NCOA2: variants seen among roughly 807,000 people sequenced by gnomAD.
NCOA2 encodes nuclear receptor coactivator 2.
Under a neutral mutation model 145.1 loss-of-function variants are expected in NCOA2, and 21 were observed. The ratio of observed to expected loss-of-function variants is 0.14; its 90% confidence interval spans 0.10 to 0.21. NCOA2 has a LOEUF of 0.21. Ranked by LOEUF, NCOA2 falls within the 10% of genes least tolerant of loss-of-function variation. The pLI is 1.00. For synonymous variants in NCOA2, 619 were observed against 637.5 expected (o/e 0.97, Z 0.44); for missense variants, 1,472 against 1,837.6 (o/e 0.80, Z 3.64).
chr8:70,227,592 C>T (rs1365281940), intron 2 of NCOA2, among the ~76,000 whole-genome samples: 3 of 152,180 alleles, frequency 2.0e-5, no homozygotes, highest in African/African-American at 7.2e-5. Context: ...TACTCTTCGT[C>T]AGATCATTAC....
At chr8:70,169,961 C>T (rs1043135249) in intron 6 of NCOA2, among the ~76,000 whole-genome samples, 1 of 151,860 alleles carries the variant, frequency 6.6e-6, no homozygotes, top group African/African-American at 2.4e-5. Flanking sequence ...ATGATTTTCA[C>T]GTACTTTAAA....
intron 1 of NCOA2, among the ~76,000 whole-genome samples, chr8:70,368,376 T>C (rs1197756939): frequency 1.3e-5 from 2 of 152,000 alleles, no homozygotes; most frequent in Non-Finnish European, 2.9e-5. Flanking sequence ...CATGGAAAAG[T>C]TGAGGGAGGA....
intron 2 of NCOA2, among the ~76,000 whole-genome samples, chr8:70,224,337 T>A (rs1170483228): frequency 6.6e-6 from 1 of 152,248 alleles, no homozygotes; most frequent in African/African-American, 2.4e-5. Context: ...TGGTAATTGG[T>A]TAATTTAAAA....
the NCOA2 span, among the ~76,000 whole-genome samples, chr8:70,409,201 G>A: frequency 2.0e-5 from 3 of 152,074 alleles, no homozygotes; most frequent in Non-Finnish European, 2.9e-5. Flanking sequence ...TAAAAATTGA[G>A]GTCTAATTCT....
intron 22 of NCOA2, among the ~76,000 whole-genome samples, chr8:70,115,030 T>TAACTTGTGTCACTTTTATGATTTA (rs1442005897): frequency 6.6e-6 from 1 of 152,260 alleles, no homozygotes; most frequent in African/African-American, 2.4e-5. Context: ...TATGTATTCC[T>TAACTTGTGTCACTTTTATGATTTA]AACTTGTGTC....
chr8:70,118,972 G>A (rs1807463078), intron 22 of NCOA2, among the ~76,000 whole-genome samples: 1 of 152,110 alleles, frequency 6.6e-6, no homozygotes, highest in South Asian at 2.1e-4. Context: ...ACAGGCTTGA[G>A]CCACTGCACC....
intron 20 of NCOA2, among the ~76,000 whole-genome samples, chr8:70,124,358 CTGTT>C (rs1187961639): frequency 1.3e-5 from 2 of 150,754 alleles, no homozygotes; most frequent in African/African-American, 4.9e-5. Context: ...TTCTTTCTTT[CTGTT>C]TTTTTTTTTT....
At chr8:70,346,028 A>T (rs1168883902) in intron 1 of NCOA2, among the ~76,000 whole-genome samples, 3 of 152,218 alleles carry the variant, frequency 2.0e-5, no homozygotes, top group Non-Finnish European at 4.4e-5. Context: ...GTGGAATTAA[A>T]ATCTATAGTA....
chr8:70,214,137 A>T, intron 3 of NCOA2, 62 bp from the exon 4 acceptor site: 2 of 1,471,320 alleles, frequency 1.4e-6, no homozygotes, highest in Non-Finnish European at 1.8e-6. Flanking sequence ...AAAAAAATGA[A>T]CGTGTTAAAC....
chr8:70,436,754 C>G, the NCOA2 span, among the ~76,000 whole-genome samples: 6 of 152,230 alleles, frequency 3.9e-5, no homozygotes, highest in South Asian at 4.2e-4. Context: ...GTGTGGAATA[C>G]AAAGGTGAAT....
At chr8:70,404,544 A>T (rs185353467), upstream of NCOA2, among the ~76,000 whole-genome samples, 289 of 152,342 alleles carry the variant, frequency 1.9e-3, no homozygotes, top group Middle Eastern at 3.4e-3. Context: ...CGGCTCCAAC[A>T]GGGAGAGGCT....
At chr8:70,124,185 A>C (rs745588330) in intron 20 of NCOA2, 103 bp from the exon 21 acceptor site, 50 of 1,103,686 alleles carry the variant, frequency 4.5e-5, no homozygotes, top group Non-Finnish European at 6.1e-5. Flanking sequence ...TGAGTGAATA[A>C]ACCTGAACTG....
chr8:70,357,224 C>A (rs1809783185), intron 1 of NCOA2: 1 of 151,708 alleles, frequency 6.6e-6, no homozygotes, highest in Admixed American at 6.6e-5. Context: ...TATATGCCAG[C>A]AATGAACAAT....
Position 70,192,701 on chromosome 8 carries a change from T to C in NCOA2, c.260-17842A>G, listed in dbSNP as rs542220138. Among the ~76,000 whole-genome samples, 5 of 152,274 alleles carry C rather than the reference T, an allele frequency of 3.3e-5. No homozygotes were observed. In the South Asian group the frequency reaches 1.0e-3, roughly 32 times the overall value. On this transcript the variant is annotated intron_variant, in intron 4 of 22. Coordinates refer to ENST00000452400, the MANE Select transcript of NCOA2 (RefSeq NM_006540.4). ...TGTTGATCAATTAGCCTCTATAGTA[T>C]CCCTCCTTGTAATAAACATTGGGTC...
At chr8:70,427,559 A>G in the NCOA2 span, among the ~76,000 whole-genome samples, 1 of 152,202 alleles carries the variant, frequency 6.6e-6, no homozygotes, top group Non-Finnish European at 1.5e-5. Context: ...CCCCAAGCAA[A>G]TAGCTCGATA....
intron 1 of NCOA2, among the ~76,000 whole-genome samples, chr8:70,360,209 T>C (rs541039225): frequency 5.8e-4 from 88 of 152,338 alleles, no homozygotes; most frequent in Non-Finnish European, 1.1e-3. Context: ...GAGCCTAACA[T>C]AAAACTGTAG....
intron 22 of NCOA2, among the ~76,000 whole-genome samples, chr8:70,116,800 G>A (rs540421943): frequency 6.6e-6 from 1 of 152,364 alleles, no homozygotes; most frequent in East Asian, 1.9e-4. Context: ...GCAGGTGGAT[G>A]AGGCAGATTC....
the NCOA2 span, among the ~76,000 whole-genome samples, chr8:70,417,162 C>A: frequency 1.4e-5 from 2 of 147,054 alleles, no homozygotes; most frequent in South Asian, 4.3e-4. Context: ...AATCCCAGAA[C>A]TCTGGAAGGC....
At chr8:70,284,931 C>T (rs922746278) in intron 2 of NCOA2, among the ~76,000 whole-genome samples, 1 of 152,024 alleles carries the variant, frequency 6.6e-6, no homozygotes, top group Non-Finnish European at 1.5e-5. Context: ...TCCCACGGAG[C>T]AGGGAAGTAG....
Sources: gnomAD v4.1 joint callset for allele counts (sites outside exome capture counted in the v4.1 genomes callset) on GRCh38, gnomAD v4.1.1 for gene constraint, MANE v1.5 for transcripts, NCBI Gene and HGNC (gene_info 2026-07-23, HGNC 2026-07-21) for gene names.